The following SKIC8 variants were observed in gnomAD, a reference collection of about 807,000 sequenced individuals.
SKIC8 encodes the protein SKI8 subunit of superkiller complex, also known as superkiller complex protein 8.
chr15:78,286,844 G>A, the SKIC8 span: 2 of 152,144 alleles, frequency 1.3e-5, no homozygotes, highest in Admixed American at 1.3e-4. Flanking sequence ...CTGGGCCTTA[G>A]TAAAAAGATC....
chr15:78,284,507 T>C, the SKIC8 span: 1 of 152,218 alleles, frequency 6.6e-6, no homozygotes, highest in Non-Finnish European at 1.5e-5. Context: ...TTTTTTATGC[T>C]CAGTTCCCCA....
At chr15:78,294,729 CATG>C in the SKIC8 span, 1 of 560,398 alleles carries the variant, frequency 1.8e-6, no homozygotes, top group Non-Finnish European at 3.1e-6. Context: ...CCCAACCTAT[CATG>C]ATGACTGCTT....
At chr15:78,286,951 G>C in the SKIC8 span, 1 of 152,206 alleles carries the variant, frequency 6.6e-6, no homozygotes, top group Non-Finnish European at 1.5e-5. Context: ...ACTGTAGTTA[G>C]GGGTGGCTAC....
At chr15:78,285,126 G>A in the SKIC8 span, 1 of 747,686 alleles carries the variant, frequency 1.3e-6, no homozygotes, top group Non-Finnish European at 2.2e-6. Flanking sequence ...ATGGATGACT[G>A]AGCAGATAGA....
chr15:78,294,382 T>C, the SKIC8 span: 1 of 152,914 alleles, frequency 6.5e-6, no homozygotes, highest in African/African-American at 2.4e-5. Context: ...GGCTCCTTTT[T>C]GGGTACAAAG....
At chr15:78,294,685 C>T in the SKIC8 span, 1 of 424,792 alleles carries the variant, frequency 2.4e-6, no homozygotes, top group Non-Finnish European at 4.2e-6. Context: ...TCATGTCTTC[C>T]TCAGGTGGAA....
At chr15:78,293,771 T>G in the SKIC8 span, among the ~76,000 whole-genome samples, 1 of 152,230 alleles carries the variant, frequency 6.6e-6, no homozygotes, top group Admixed American at 6.5e-5. Flanking sequence ...TTATTATGGT[T>G]AATGGGCCAA....
the SKIC8 span, among the ~76,000 whole-genome samples, chr15:78,293,672 C>T: frequency 6.6e-6 from 1 of 152,228 alleles, no homozygotes; most frequent in African/African-American, 2.4e-5. Context: ...TCGAAACAAG[C>T]AGGCAGTTCA....
At chr15:78,297,836 C>T in the SKIC8 span, among the ~76,000 whole-genome samples, 16 of 152,130 alleles carry the variant, frequency 1.1e-4, no homozygotes, top group African/African-American at 3.9e-4. Context: ...AAAAAGCTGC[C>T]GAAGGTTTTC....
chr15:78,288,480 G>T, the SKIC8 span: 1 of 1,186,688 alleles, frequency 8.4e-7, no homozygotes, highest in African/African-American at 1.5e-5. Flanking sequence ...GAGCCACTGA[G>T]TTGAAATGCT....
At chr15:78,293,503 C>T in the SKIC8 span, among the ~76,000 whole-genome samples, 3 of 152,186 alleles carry the variant, frequency 2.0e-5, no homozygotes, top group East Asian at 1.9e-4. Flanking sequence ...GGTAGTACTT[C>T]GGACTCTAAA....
At chr15:78,288,297 G>T in the SKIC8 span, 3 of 1,613,734 alleles carry the variant, frequency 1.9e-6, no homozygotes, top group Non-Finnish European at 2.5e-6. Flanking sequence ...ACACATCATA[G>T]ATCTTGATGT....
the SKIC8 span, chr15:78,288,876 G>A: frequency 2.3e-6 from 1 of 438,024 alleles, no homozygotes; most frequent in South Asian, 1.6e-5. Context: ...CTCCTTTCCA[G>A]AGGCCACCGG....
chr15:78,288,762 A>C, the SKIC8 span: 1 of 345,842 alleles, frequency 2.9e-6, no homozygotes, highest in Non-Finnish European at 5.6e-6. Flanking sequence ...AACTATAGCA[A>C]TGTGAGGACG....
the SKIC8 span, chr15:78,294,783 T>G: frequency 1.6e-6 from 1 of 619,538 alleles, no homozygotes; most frequent in Non-Finnish European, 2.7e-6. Context: ...TTGTTGTTGT[T>G]GTTGTTGTCT....
chr15:78,292,487 A>G, the SKIC8 span: 2,163 of 988,038 alleles, frequency 2.2e-3, 30 homozygotes, highest in African/African-American at 0.028. Flanking sequence ...TGTGAAATAC[A>G]GTTCATGCAC....
the SKIC8 span, chr15:78,292,443 T>A: frequency 1.5e-6 from 1 of 661,322 alleles, no homozygotes; most frequent in African/African-American, 1.8e-5. Flanking sequence ...AGTCTTTCAT[T>A]ACAGTGCTGT....
At chr15:78,283,476 C>G in the SKIC8 span, 3 of 1,613,882 alleles carry the variant, frequency 1.9e-6, no homozygotes, top group South Asian at 2.2e-5. Flanking sequence ...TCATCTCCAA[C>G]AGACACAATT....
chr15:78,294,896 C>T, the SKIC8 span: 1 of 1,612,608 alleles, frequency 6.2e-7, no homozygotes. Flanking sequence ...AAACCAGGGA[C>T]AACACAGTTT....
Sources: gnomAD v4.1 joint callset for allele counts (sites outside exome capture counted in the v4.1 genomes callset) on GRCh38, gnomAD v4.1.1 for gene constraint, MANE v1.5 for transcripts, NCBI Gene and HGNC (gene_info 2026-07-23, HGNC 2026-07-21) for gene names.